Variants in ADAMTS19 observed in about 807,000 individuals in gnomAD.
The protein encoded by ADAMTS19 is A disintegrin and metalloproteinase with thrombospondin motifs 19.
ADAMTS19 carries 93 observed loss-of-function variants against 153.3 expected under a neutral mutation model. The observed-to-expected ratio is 0.61, with a 90% CI of 0.51 to 0.72. The LOEUF is 0.72. Ranked by LOEUF, ADAMTS19 falls within the 30% of genes least tolerant of loss-of-function variation. The pLI, the probability that ADAMTS19 is intolerant of heterozygous loss-of-function variation, is 0.00. For synonymous variants in ADAMTS19, 600 were observed against 556.6 expected, an observed-to-expected ratio of 1.08 and a Z score of -1.10; for missense variants, 1,482 against 1,552.1, an observed-to-expected ratio of 0.95 and a Z score of 0.76.
chr5:129,611,356 C>G (rs1288623614), intron 8 of ADAMTS19, among the ~76,000 whole-genome samples: 2 of 152,250 alleles, frequency 1.3e-5, no homozygotes, highest in East Asian at 3.9e-4. Flanking sequence ...GACACGAAGT[C>G]CTTGCCCATG....
intron 6 of ADAMTS19, among the ~76,000 whole-genome samples, chr5:129,544,727 A>C (rs1363146): frequency 0.061 from 9,267 of 152,262 alleles, 416 homozygotes; most frequent in Non-Finnish European, 0.088. Context: ...GAGTCTGTGC[A>C]AAGTGGGGAA....
rs77260352 is a variant in ADAMTS19 at position 129,560,167 on chromosome 5, T to C, written c.1372+8260T>C. 4.3e-3 allele frequency among the ~76,000 whole-genome samples: 660 copies of C among 152,340 alleles called. 4 individuals carry two copies. The highest frequency in any genetic ancestry group is 0.026 in the East Asian group (134 of 5,184). On this transcript the variant is annotated intron_variant, in intron 7 of 22. Coordinates refer to ENST00000274487, the MANE Select transcript of ADAMTS19 (RefSeq NM_133638.6). Reference sequence around the variant, plus strand: ...ACATTTTGAAGATTTAGTTGACCTGTCCTTTGGCATCCATTGTTGCTCTTG... The same window carrying C: ...ACATTTTGAAGATTTAGTTGACCTGCCCTTTGGCATCCATTGTTGCTCTTG...
intron 8 of ADAMTS19, among the ~76,000 whole-genome samples, chr5:129,603,556 T>G (rs1750762788): frequency 6.6e-6 from 1 of 152,148 alleles, no homozygotes; most frequent in Non-Finnish European, 1.5e-5. Flanking sequence ...TGCATTATTG[T>G]GTATGGTTTT....
intron 16 of ADAMTS19, among the ~76,000 whole-genome samples, chr5:129,671,777 T>C (rs1754312044): frequency 6.6e-6 from 1 of 152,166 alleles, no homozygotes; most frequent in African/African-American, 2.4e-5. Flanking sequence ...ATACTTCAGA[T>C]AGACCTATGT....
chr5:129,686,142 T>C (rs1581226361), intron 18 of ADAMTS19, among the ~76,000 whole-genome samples: 1 of 152,192 alleles, frequency 6.6e-6, no homozygotes, highest in Non-Finnish European at 1.5e-5. Context: ...CCAGTCCTTA[T>C]GATGTATGTT....
At chr5:129,554,176 T>C (rs1753233811) in intron 7 of ADAMTS19, among the ~76,000 whole-genome samples, 1 of 152,154 alleles carries the variant, frequency 6.6e-6, no homozygotes, top group South Asian at 2.1e-4. Flanking sequence ...CTATGGATTT[T>C]GGAACCAATC....
intron 3 of ADAMTS19, among the ~76,000 whole-genome samples, chr5:129,521,342 T>A (rs1482111699): frequency 6.6e-6 from 1 of 152,138 alleles, no homozygotes; most frequent in Non-Finnish European, 1.5e-5. Context: ...AGAGATCAAA[T>A]AAATATGAAG....
At chr5:129,545,481 C>T (rs894578636) in intron 6 of ADAMTS19, among the ~76,000 whole-genome samples, 4 of 152,028 alleles carry the variant, frequency 2.6e-5, no homozygotes, top group Non-Finnish European at 4.4e-5. Context: ...AATGGAATGT[C>T]GGAGGGATTA....
intron 7 of ADAMTS19, among the ~76,000 whole-genome samples, chr5:129,552,838 T>C (rs1020950049): frequency 6.6e-6 from 1 of 152,086 alleles, no homozygotes; most frequent in African/African-American, 2.4e-5. Flanking sequence ...AATGTAAGGA[T>C]TTTTGACATG....
chr5:129,629,633 A>C (rs1438157008), intron 10 of ADAMTS19, among the ~76,000 whole-genome samples: 1 of 152,128 alleles, frequency 6.6e-6, no homozygotes, highest in Non-Finnish European at 1.5e-5. Flanking sequence ...AAGTGTTTAA[A>C]GGCACAGATG....
chr5:129,556,282 G>A (rs559815158), intron 7 of ADAMTS19, among the ~76,000 whole-genome samples: 1 of 151,980 alleles, frequency 6.6e-6, no homozygotes, highest in East Asian at 1.9e-4. Flanking sequence ...CCTGAAATTA[G>A]GATTCATTTC....
At chr5:129,548,503 A>G (rs1276893508) in intron 6 of ADAMTS19, among the ~76,000 whole-genome samples, 1 of 151,994 alleles carries the variant, frequency 6.6e-6, no homozygotes, top group Non-Finnish European at 1.5e-5. Flanking sequence ...TTAGAATGGC[A>G]ATCATTAAAA....
chr5:129,515,064 G>A (rs1751554790), intron 3 of ADAMTS19, among the ~76,000 whole-genome samples: 1 of 151,956 alleles, frequency 6.6e-6, no homozygotes, highest in Non-Finnish European at 1.5e-5. Flanking sequence ...CCCGGTGTAT[G>A]TTCTTGGCAC....
At chr5:129,620,578 C>A in intron 8 of ADAMTS19, 40 bp from the exon 9 acceptor site, 1 of 1,428,788 alleles carries the variant, frequency 7.0e-7, no homozygotes, top group Non-Finnish European at 9.3e-7. Flanking sequence ...GTAACATTTA[C>A]TTAGTGTAAA....
intron 8 of ADAMTS19, among the ~76,000 whole-genome samples, chr5:129,600,378 T>A (rs1420555458): frequency 1.3e-5 from 2 of 152,186 alleles, no homozygotes; most frequent in African/African-American, 4.8e-5. Context: ...TTCTAGAAAC[T>A]AATAACGAAC....
At chr5:129,608,786 G>T (rs1751051177) in intron 8 of ADAMTS19, among the ~76,000 whole-genome samples, 1 of 147,136 alleles carries the variant, frequency 6.8e-6, no homozygotes, top group African/African-American at 2.5e-5. Flanking sequence ...GGCAGAGGTT[G>T]CAGTGAGCTG....
chr5:129,681,757 AT>A (rs2127121321), intron 17 of ADAMTS19, among the ~76,000 whole-genome samples: 1 of 152,264 alleles, frequency 6.6e-6, no homozygotes, highest in East Asian at 1.9e-4. Flanking sequence ...TTGAATAATC[AT>A]TTTGTGCATC....
At chr5:129,487,714 C>A (rs946034339) in intron 2 of ADAMTS19, among the ~76,000 whole-genome samples, 1 of 152,042 alleles carries the variant, frequency 6.6e-6, no homozygotes, top group African/African-American at 2.4e-5. Flanking sequence ...AGGGACTGAA[C>A]TCTAAATAGC....
chr5:129,510,277 G>T (rs1467985100), intron 3 of ADAMTS19, among the ~76,000 whole-genome samples: 2 of 151,692 alleles, frequency 1.3e-5, no homozygotes, highest in Non-Finnish European at 1.5e-5. Context: ...ATCATCGATT[G>T]CCTAGGATGT....
Sources: allele counts gnomAD v4.1 joint callset (sites outside exome capture counted in the v4.1 genomes callset), GRCh38; gene constraint gnomAD v4.1.1; transcripts MANE v1.5; gene names NCBI Gene and HGNC (gene_info 2026-07-23, HGNC 2026-07-21).